The following ANKS1B variants were observed in gnomAD, a reference collection of about 807,000 sequenced individuals.
ANKS1B encodes ankyrin repeat and sterile alpha motif domain containing 1B, also known as ankyrin repeat and sterile alpha motif domain-containing protein 1B.
A neutral mutation model predicts 148.3 loss-of-function variants in ANKS1B; 36 were observed. The ratio of observed to expected loss-of-function variants is 0.24; its 90% CI spans 0.19 to 0.32. The LOEUF is 0.32. Ranked by LOEUF, ANKS1B falls within the 10% of genes least tolerant of loss-of-function variation. The pLI, the probability that ANKS1B is intolerant of heterozygous loss-of-function variation, is 1.00. For missense variants in ANKS1B, 1,157 were observed against 1,542.6 expected (o/e 0.75, Z 4.19); for synonymous variants, 542 against 560.8 (o/e 0.97, Z 0.47).
intron 17 of ANKS1B, among the ~76,000 whole-genome samples, chr12:98,852,093 A>G (rs2099531477): frequency 6.6e-6 from 1 of 151,114 alleles, no homozygotes; most frequent in Non-Finnish European, 1.5e-5. Context: ...TATAACAATA[A>G]TTCTGATGCC....
At chr12:98,975,424 C>T (rs1409428275) in intron 17 of ANKS1B, among the ~76,000 whole-genome samples, 1 of 151,804 alleles carries the variant, frequency 6.6e-6, no homozygotes, top group Non-Finnish European at 1.5e-5. Flanking sequence ...CTTCCCTCCC[C>T]CTTCCTTCTT....
chr12:99,683,436 T>C (rs1041166180), intron 8 of ANKS1B, among the ~76,000 whole-genome samples: 23 of 151,214 alleles, frequency 1.5e-4, no homozygotes, highest in Admixed American at 1.4e-3. Context: ...CAGGAAGCAA[T>C]AGAAACTCTG....
In ANKS1B at chr12:99,265,434, C is replaced by T. The variant is rs373236182; in HGVS notation, c.1757-18570G>A. The stretch of plus-strand genomic sequence containing the variant: ...CTTACCATTAATGCACATTCTTAGG[C>T]CCTGCTCTAGAACATCTTGGGGTGG... On this transcript the variant is annotated intron_variant, in intron 12 of 26. Transcript: ENST00000683438. 1.4e-4 allele frequency among the ~76,000 whole-genome samples: 21 copies of T among 152,262 alleles called. No homozygotes were observed. The East Asian group carries it at 2.7e-3, about 20-fold the overall frequency.
At chr12:98,857,066 C>A (rs2099575656) in intron 17 of ANKS1B, among the ~76,000 whole-genome samples, 1 of 147,170 alleles carries the variant, frequency 6.8e-6, no homozygotes, top group African/African-American at 2.5e-5. Context: ...ATAACCCCTG[C>A]ACACAGTGAG....
chr12:99,380,375 TA>T (rs2093589485), intron 12 of ANKS1B, among the ~76,000 whole-genome samples: 1 of 152,064 alleles, frequency 6.6e-6, no homozygotes, highest in Non-Finnish European at 1.5e-5. Context: ...TATAAATAGT[TA>T]AAAAACTTTT....
chr12:99,145,566 A>T (rs558668073), intron 15 of ANKS1B, among the ~76,000 whole-genome samples: 1 of 152,222 alleles, frequency 6.6e-6, no homozygotes, highest in South Asian at 2.1e-4. Flanking sequence ...GGCAGTGAGC[A>T]TTCTGGTCTG....
At chr12:99,757,725 T>C (rs2061699905) in intron 8 of ANKS1B, among the ~76,000 whole-genome samples, 1 of 152,070 alleles carries the variant, frequency 6.6e-6, no homozygotes, top group African/African-American at 2.4e-5. Flanking sequence ...AAAGAATATG[T>C]GGTGCATATA....
chr12:99,317,806 AT>A (rs541934058), intron 12 of ANKS1B, among the ~76,000 whole-genome samples: 138 of 152,330 alleles, frequency 9.1e-4, no homozygotes, highest in African/African-American at 3.2e-3. Flanking sequence ...TGGGTTTGTC[AT>A]AAATAGCTCT....
chr12:99,894,048 TGAAG>T (rs1019617952), intron 1 of ANKS1B, among the ~76,000 whole-genome samples: 2 of 151,984 alleles, frequency 1.3e-5, no homozygotes, highest in Admixed American at 1.3e-4. Flanking sequence ...AGTGAAAACC[TGAAG>T]AGATTTGTAA....
At chr12:99,401,452 A>T (rs1425234973) in intron 11 of ANKS1B, among the ~76,000 whole-genome samples, 1 of 146,538 alleles carries the variant, frequency 6.8e-6, no homozygotes, top group Non-Finnish European at 1.5e-5. Flanking sequence ...ATAAAGGTCA[A>T]GCCAAATGAT....
At chr12:98,965,522 G>A (rs1244900513) in intron 17 of ANKS1B, among the ~76,000 whole-genome samples, 1 of 152,080 alleles carries the variant, frequency 6.6e-6, no homozygotes, top group Non-Finnish European at 1.5e-5. Context: ...TTTTAATCTA[G>A]TCTGAGCAGC....
chr12:99,567,595 A>G (rs1478956379), intron 9 of ANKS1B, among the ~76,000 whole-genome samples: 1 of 152,202 alleles, frequency 6.6e-6, no homozygotes, highest in African/African-American at 2.4e-5. Flanking sequence ...TAATCCAAGA[A>G]AAGTGGGTAA....
intron 8 of ANKS1B, among the ~76,000 whole-genome samples, chr12:99,754,120 T>A (rs938145124): frequency 6.6e-6 from 1 of 152,098 alleles, no homozygotes; most frequent in Non-Finnish European, 1.5e-5. Flanking sequence ...TCATCTCACA[T>A]GTAATGACAC....
chr12:99,877,880 G>A (rs746655640), intron 1 of ANKS1B, among the ~76,000 whole-genome samples: 3 of 152,080 alleles, frequency 2.0e-5, no homozygotes, highest in South Asian at 2.1e-4. Flanking sequence ...GCAACATGGC[G>A]AAACCCCATC....
At chr12:99,066,834 C>A (rs1256015220) in intron 16 of ANKS1B, among the ~76,000 whole-genome samples, 1 of 152,178 alleles carries the variant, frequency 6.6e-6, no homozygotes, top group Non-Finnish European at 1.5e-5. Flanking sequence ...GATCAGGAAT[C>A]TGTCAGTTTG....
intron 12 of ANKS1B, among the ~76,000 whole-genome samples, chr12:99,309,692 G>C (rs542482222): frequency 6.6e-6 from 1 of 151,872 alleles, no homozygotes; most frequent in African/African-American, 2.4e-5. Context: ...TTTATTTCAG[G>C]ACAATCACTG....
chr12:99,064,463 T>C (rs1266681973), intron 16 of ANKS1B, among the ~76,000 whole-genome samples: 7 of 104,286 alleles, frequency 6.7e-5, no homozygotes, highest in Non-Finnish European at 1.5e-4. Context: ...TCTCTAGTCA[T>C]CAGGGATAGG....
chr12:99,620,578 T>C (rs187145816), intron 9 of ANKS1B, among the ~76,000 whole-genome samples: 12 of 152,218 alleles, frequency 7.9e-5, no homozygotes, highest in African/African-American at 2.6e-4. Flanking sequence ...TTGAAAGGAA[T>C]TGAAATACTT....
rs147574679 is a variant in ANKS1B, at chr12:99,250,536, A to G, written c.1757-3672T>C. On this transcript the variant is annotated intron_variant, in intron 12 of 26. Coordinates refer to ENST00000683438, the MANE Select transcript of ANKS1B (RefSeq NM_001352186.2). Reference sequence around the variant, plus strand: ...AACTTCCACCTATGTGAGTGAGGGCATCTAGGACCTACCAAATTCAGGCCA... The same window carrying G: ...AACTTCCACCTATGTGAGTGAGGGCGTCTAGGACCTACCAAATTCAGGCCA... 5.9e-3 allele frequency among the ~76,000 whole-genome samples: 901 copies of G among 152,370 alleles called. 7 individuals carry two copies. Among genetic ancestry groups the G allele is most frequent in the Non-Finnish European group, 8.5e-3 (578 of 68,030 alleles).
Sources: allele counts gnomAD v4.1 joint callset (sites outside exome capture counted in the v4.1 genomes callset), GRCh38; gene constraint gnomAD v4.1.1; transcripts MANE v1.5; gene names NCBI Gene and HGNC (gene_info 2026-07-23, HGNC 2026-07-21).